Variants in TTN observed in about 807,000 individuals in gnomAD.
TTN encodes the protein titin, also known as connectin.
TTN carries 1,525 observed loss-of-function variants against 3,223.0 expected under a neutral mutation model. The observed-to-expected ratio is 0.47, with a 90% CI of 0.45 to 0.49. The LOEUF is 0.49. Among genes scored for constraint, TTN ranks in the 20% least tolerant of loss-of-function variants. The pLI, the probability that TTN is intolerant of heterozygous loss-of-function variation, is 0.00. For missense variants in TTN, 40,786 were observed against 43,424.0 expected, an observed-to-expected ratio of 0.94 and a Z score of 5.40; for synonymous variants, 14,094 against 15,161.0, an observed-to-expected ratio of 0.93 and a Z score of 5.17.
intron 221 of TTN, 80 bp downstream of exon 221, chr2:178,640,461 C>G (rs879390248): frequency 7.8e-7 from 1 of 1,289,196 alleles, no homozygotes; most frequent in Non-Finnish European, 1.1e-6. Context: ...GTGTTCAAAT[C>G]TTGATGTCAG....
At position 178,688,127 on chromosome 2, in the gene TTN, CTCTGCTTCT is replaced by C. The variant is rs1442805458; in HGVS notation, c.32286_32294del (p.Glu10763_Glu10765del). 6.2e-7 allele frequency: 1 copy of C among 1,612,620 alleles called. No individual in the cohort carries two copies. Among genetic ancestry groups the C allele is most frequent in the African/African-American group, 1.3e-5 (1 of 75,036 alleles). On this transcript the variant is annotated inframe_deletion, in exon 127 of 363. Coordinates refer to ENST00000589042, the MANE Select transcript of TTN (RefSeq NM_001267550.2). ...ATTGTTTACCTTCATATTCTGTAAC[CTCTGCTTCT>C]TCCTCCTCCTCTCTTTCTTCTTCTC...
chr2:178,573,115 G>GGAT lies in TTN; in HGVS notation c.73014_73016dup (p.Ser24339dup), dbSNP rs1176048309. On this transcript the variant is annotated inframe_insertion, in exon 326 of 363. Transcript: ENST00000589042. ...TAGGTTTATTCCAAGCGATTGAAAT[G>GGAT]GATGATCTGCTTGTATCCAGAACAC... 6.2e-7 allele frequency: 1 copy of GGAT among 1,613,178 alleles called. No homozygotes were observed. Among genetic ancestry groups the GGAT allele is most frequent in the African/African-American group, 1.3e-5 (1 of 74,866 alleles).
rs775749900 is a variant in TTN, at chr2:178,734,934, T to C, written c.14990A>G (p.Glu4997Gly). 17 of 1,610,034 alleles carry C rather than the reference T, an allele frequency of 1.1e-5. No homozygotes were observed. The South Asian group carries it at 1.9e-4, about 18-fold the overall frequency. ...CAGCTTGCAATGGAGGCGTGCTGAT[T>C]CACCTGGGAGCATTAAATAAGAGGG... ...VDPSYLMLPG[E>G]SARLHCKLKG... is the part of the protein sequence containing the mutation. The change falls in exon 51 of 363, where the codon GAA (glutamate) becomes GGA (glycine). Residue 4997 changes from glutamate (E) to glycine (G), a missense_variant. Physicochemically the swap from Glu to Gly is moderately conservative, Grantham distance 98 (BLOSUM62 -2). Transcript: ENST00000589042.
rs2049322891 is a variant in TTN, at chr2:178,587,648, G to T, written c.63661C>A (p.Gln21221Lys). The T allele has an allele frequency of 6.2e-7, 1 of 1,612,762 alleles. No homozygotes were observed. Among genetic ancestry groups the T allele is most frequent in the Non-Finnish European group, 8.5e-7 (1 of 1,179,398 alleles). ...GCCATAGTGTCAACCAGATCAACTT[G>T]TCCTTTTCTGACCACATTATCAATG... ...VGIDNVVRKG[Q>K]VDLVDTMAFL... Residue 21221 changes from glutamine to lysine, a missense_variant, in exon 306 of 363, where the codon CAA becomes AAA. Physicochemically the swap from Gln to Lys is moderately conservative, Grantham distance 53. Coordinates refer to ENST00000589042, the MANE Select transcript of TTN (RefSeq NM_001267550.2).
chr2:178,568,546 C>T lies in TTN; in HGVS notation c.77586G>A (p.Lys25862=), dbSNP rs747449030. ...TGATTCCATATTGTCCACCATCATC[C>T]TTATGAGTTTCTTTAATACTGAGTG... ...LTTLSIKETH[K]DDGGQYGITV... The change falls in exon 326 of 363, where the codon AAG becomes AAA. Residue 25862 remains lysine, a synonymous_variant. Coordinates refer to ENST00000589042, the MANE Select transcript of TTN (RefSeq NM_001267550.2). 1.2e-6 allele frequency: 2 copies of T among 1,613,438 alleles called. No homozygotes were observed. Among genetic ancestry groups the T allele is most frequent in the South Asian group, 2.2e-5 (2 of 91,062 alleles).
chr2:178,626,294 T>G (rs2059040288), intron 240 of TTN, among the ~76,000 whole-genome samples: 1 of 152,042 alleles, frequency 6.6e-6, no homozygotes, highest in African/African-American at 2.4e-5. Context: ...AAATGAAAGT[T>G]GGACTCTTCT....
chr2:178,597,489 A>G (rs769409704), intron 294 of TTN, 49 bp downstream of exon 294: 3 of 1,559,674 alleles, frequency 1.9e-6, no homozygotes, highest in South Asian at 1.2e-5. Flanking sequence ...TGTAAATATA[A>G]TAAGAATGTT....
At position 178,554,666 on chromosome 2, in the gene TTN, C is replaced by G. The variant is rs1700645237; in HGVS notation, c.88681G>C (p.Asp29561His). Reference protein sequence around the residue: ...ITLLWRPPADDGGAKITHYIV... With the variant: ...ITLLWRPPADHGGAKITHYIV... Reference sequence around the variant, plus strand: ...TAGTGAGTGATTTTTGCACCACCATCATCAGCTGGAGGCCGCCAGAGAAGG... The same window carrying G: ...TAGTGAGTGATTTTTGCACCACCATGATCAGCTGGAGGCCGCCAGAGAAGG... The change falls in exon 332 of 363, where the codon GAT (aspartate) becomes CAT (histidine). Residue 29561 changes from aspartate to histidine, a missense_variant. Physicochemically the swap from Asp to His is moderately conservative, Grantham distance 81. Transcript: ENST00000589042. The G allele has an allele frequency of 1.2e-6, 2 of 1,613,948 alleles. No individual in the cohort carries two copies. The highest frequency in any genetic ancestry group is 8.5e-7 in the Non-Finnish European group (1 of 1,179,840).
rs144788732 is a variant in TTN at position 178,566,952 on chromosome 2, C to G, written c.79180G>C (p.Glu26394Gln). ...FVLPGPPKSL[E>Q]VTNIAKDSMT... ...GAGTCTTTGGCAATATTTGTGACTTCCAAGCTTTTTGGTGGTCCAGGAAGC... is the reference window on the plus strand; with the variant it reads ...GAGTCTTTGGCAATATTTGTGACTTGCAAGCTTTTTGGTGGTCCAGGAAGC... The change falls in exon 326 of 363, where the codon GAA (glutamate) becomes CAA (glutamine). Residue 26394 changes from glutamate (E) to glutamine (Q), a missense_variant. Coordinates refer to ENST00000589042, the MANE Select transcript of TTN (RefSeq NM_001267550.2). The G allele has an allele frequency of 5.0e-6, 8 of 1,613,564 alleles. No individual in the cohort carries two copies. The East Asian group carries it at 1.8e-4, about 36-fold the overall frequency.
At chr2:178,772,943 T>A (rs2091744621) in intron 33 of TTN, 166 bp downstream of exon 33, 5 of 814,250 alleles carry the variant, frequency 6.1e-6, no homozygotes, top group African/African-American at 1.7e-5. Flanking sequence ...AGAACATTTG[T>A]AATTTAGGCT....
At position 178,663,660 on chromosome 2, in the gene TTN, G is replaced by A. The variant is rs780323492; in HGVS notation, c.36499C>T (p.Pro12167Ser). The change falls in exon 171 of 363, where the codon CCT becomes TCT. Residue 12167 changes from proline (P) to serine (S), a missense_variant. Pro to Ser is a moderately conservative substitution (Grantham distance 74). Coordinates refer to ENST00000589042, the MANE Select transcript of TTN (RefSeq NM_001267550.2). Reference protein sequence around the residue: ...VVPEKKAPVAPPKEPEVPPVK... With the variant: ...VVPEKKAPVASPKEPEVPPVK... ...GGTGGGACTTCAGGCTCTTTAGGAG[G>A]AGCCACTGGCGCTTTCTTTTCAGGA... is the stretch of plus-strand genomic sequence containing the variant. 7 of 1,613,542 alleles carry A rather than the reference G, an allele frequency of 4.3e-6. No homozygotes were observed. The African/African-American group carries it at 9.3e-5, about 22-fold the overall frequency.
rs1489472949 is a variant in TTN, at chr2:178,573,066, T to C, written c.73066A>G (p.Thr24356Ala). The C allele has an allele frequency of 6.2e-7, 1 of 1,613,276 alleles. No homozygotes were observed. Among genetic ancestry groups the C allele is most frequent in the South Asian group, 1.1e-5 (1 of 91,074 alleles). Residue 24356 changes from threonine (T) to alanine (A), a missense_variant, in exon 326 of 363, where the codon ACT becomes GCT. Physicochemically the swap from Thr to Ala is moderately conservative, Grantham distance 58 (BLOSUM62 0). Coordinates refer to ENST00000589042, the MANE Select transcript of TTN (RefSeq NM_001267550.2). Reference protein sequence around the residue: ...KPIYDGGSEITGYMVEIALPE... With the variant: ...KPIYDGGSEIAGYMVEIALPE... Reference sequence around the variant, plus strand: ...AGGGCAATCTCAACCATATACCCAGTGATTTCTGAACCACCATCATAGATA... The same window carrying C: ...AGGGCAATCTCAACCATATACCCAGCGATTTCTGAACCACCATCATAGATA...
intron 1 of TTN, among the ~76,000 whole-genome samples, chr2:178,806,316 A>G (rs1296112162): frequency 6.6e-6 from 1 of 152,230 alleles, no homozygotes; most frequent in Non-Finnish European, 1.5e-5. Context: ...CCTCTTAGAC[A>G]TAGAATACCT....
chr2:178,670,055 C>T (rs1202640864), intron 157 of TTN, among the ~76,000 whole-genome samples, 163 bp downstream of exon 157: 1 of 151,902 alleles, frequency 6.6e-6, no homozygotes, highest in African/African-American at 2.4e-5. Context: ...TGTCTTTACG[C>T]CTAAAACATT....
rs765777016 is a variant in TTN, at chr2:178,546,316, G to A, written c.95015C>T (p.Thr31672Ile). Residue 31672 changes from threonine (T) to isoleucine (I), a missense_variant, in exon 342 of 363, where the codon ACT (threonine) becomes ATT (isoleucine). Physicochemically the swap from Thr to Ile is moderately conservative, Grantham distance 89. Transcript: ENST00000589042. ...TCTGTCACAGAACTTGATCACAGCA[G>A]TTGCTCGTTTGCCAGTATACTGCAA... ...VSLQYTGKRA[T>I]AVIKFCDRSD... 1 of 1,613,856 alleles carries A rather than the reference G, an allele frequency of 6.2e-7. No individual in the cohort carries two copies. Among genetic ancestry groups the A allele is most frequent in the East Asian group, 2.2e-5 (1 of 44,868 alleles).
At position 178,681,722 on chromosome 2, in the gene TTN, G is replaced by A. The variant is rs374779534; in HGVS notation, c.33111C>T (p.Ile11037=). ...EEYITEPEKP[I]PVKPVPEEPV... ...GTTCTTCTGGGACAGGCTTTACAGG[G>A]ATAGGCTTCTCTGGTTCTTTAAAAG... Residue 11037 remains isoleucine (I), a synonymous_variant, in exon 136 of 363, where the codon ATC becomes ATT. Transcript: ENST00000589042. The A allele has an allele frequency of 1.6e-5, 26 of 1,598,832 alleles. No homozygotes were observed. Among genetic ancestry groups the A allele is most frequent in the South Asian group, 4.6e-5 (4 of 86,790 alleles).
chr2:178,790,551 C>T (rs2093431445), intron 11 of TTN, among the ~76,000 whole-genome samples, 157 bp downstream of exon 11: 2 of 152,114 alleles, frequency 1.3e-5, no homozygotes, highest in Admixed American at 6.5e-5. Flanking sequence ...AATGAATTGA[C>T]AGTGAAAGGT....
chr2:178,716,219 A>C (rs1220044914), intron 88 of TTN, among the ~76,000 whole-genome samples: 1 of 152,158 alleles, frequency 6.6e-6, no homozygotes, highest in Non-Finnish European at 1.5e-5. Flanking sequence ...CGGAATGGCA[A>C]AGTGGGTCAG....
intron 259 of TTN, 83 bp downstream of exon 259, chr2:178,615,224 A>G (rs1410081718): frequency 1.3e-6 from 2 of 1,504,324 alleles, no homozygotes; most frequent in African/African-American, 2.8e-5. Context: ...ATGAAAAAAG[A>G]CAAACATTTA....
Sources: gnomAD v4.1 joint callset for allele counts (sites outside exome capture counted in the v4.1 genomes callset) on GRCh38, gnomAD v4.1.1 for gene constraint, MANE v1.5 for transcripts, NCBI Gene and HGNC (gene_info 2026-07-23, HGNC 2026-07-21) for gene names.